The following EXOC4 variants were observed in gnomAD, a reference collection of about 807,000 sequenced individuals.
The protein encoded by EXOC4 is SEC8-like 1.
EXOC4 carries 71 observed loss-of-function variants against 107.2 expected under a neutral mutation model. The observed-to-expected ratio is 0.66, with a 90% CI of 0.55 to 0.81. The LOEUF is 0.81. Ranked by LOEUF, EXOC4 falls within the 30% of genes least tolerant of loss-of-function variation. The probability of loss-of-function intolerance (pLI) is 0.00; values close to 1 mark genes in which losing one functional copy is unlikely to be tolerated. For synonymous variants in EXOC4, 456 were observed against 441.2 expected (o/e 1.03, Z -0.42); for missense variants, 1,108 against 1,189.6 (o/e 0.93, Z 1.01).
intron 10 of EXOC4, among the ~76,000 whole-genome samples, chr7:133,715,603 G>A (rs2151100917): frequency 6.6e-6 from 1 of 152,060 alleles, no homozygotes; most frequent in South Asian, 2.1e-4. Context: ...TATTTTGTGT[G>A]AATATAGGAA....
intron 11 of EXOC4, among the ~76,000 whole-genome samples, chr7:133,830,874 A>C (rs1025675131): frequency 6.6e-6 from 1 of 152,184 alleles, no homozygotes; most frequent in Admixed American, 6.5e-5. Flanking sequence ...TCGGGATACC[A>C]CAATACATTT....
intron 17 of EXOC4, among the ~76,000 whole-genome samples, chr7:134,012,928 G>A (rs1794805779): frequency 6.6e-6 from 1 of 152,208 alleles, no homozygotes; most frequent in Admixed American, 6.5e-5. Context: ...TGTGTCAAAT[G>A]CTGTTGATAG....
chr7:133,761,599 A>G (rs968712644), intron 10 of EXOC4, among the ~76,000 whole-genome samples: 1 of 152,188 alleles, frequency 6.6e-6, no homozygotes, highest in Non-Finnish European at 1.5e-5. Context: ...CTTTGGCAAC[A>G]GACCTAGGGC....
chr7:133,559,385 T>A (rs1410238356), intron 9 of EXOC4, among the ~76,000 whole-genome samples: 2 of 152,224 alleles, frequency 1.3e-5, no homozygotes, highest in African/African-American at 2.4e-5. Flanking sequence ...TTAATTTTTC[T>A]GTATTACATC....
intron 17 of EXOC4, among the ~76,000 whole-genome samples, chr7:134,015,190 C>G (rs1380963066): frequency 2.6e-5 from 4 of 152,150 alleles, no homozygotes; most frequent in Non-Finnish European, 2.9e-5. Flanking sequence ...CCTGCACTTT[C>G]AAAACATGCC....
chr7:134,039,279 A>C (rs1230084882), intron 17 of EXOC4, among the ~76,000 whole-genome samples: 1 of 152,136 alleles, frequency 6.6e-6, no homozygotes, highest in African/African-American at 2.4e-5. Context: ...AGCTTCAGGG[A>C]GTGCATAATA....
chr7:133,667,133 T>G (rs1258500172), intron 10 of EXOC4, among the ~76,000 whole-genome samples: 2 of 152,256 alleles, frequency 1.3e-5, no homozygotes, highest in Non-Finnish European at 2.9e-5. Flanking sequence ...GGAACTTAGC[T>G]ATATCCAGTT....
downstream of EXOC4, among the ~76,000 whole-genome samples, chr7:134,067,695 G>A (rs1486142008): frequency 7.0e-6 from 1 of 142,452 alleles, no homozygotes; most frequent in Non-Finnish European, 1.5e-5. Flanking sequence ...GTTCTTGGAA[G>A]TGCTGGTGGT....
At chr7:133,736,179 C>T (rs1313717958) in intron 10 of EXOC4, among the ~76,000 whole-genome samples, 1 of 152,174 alleles carries the variant, frequency 6.6e-6, no homozygotes, top group Non-Finnish European at 1.5e-5. Context: ...CCTAAAGAAA[C>T]CTTCCCCTTA....
chr7:133,630,376 C>T (rs568738084), intron 10 of EXOC4, among the ~76,000 whole-genome samples: 108 of 152,180 alleles, frequency 7.1e-4, no homozygotes, highest in Middle Eastern at 3.4e-3. Context: ...TTCACACTCG[C>T]TACCTCTGTC....
chr7:133,280,530 G>T (rs979970634), intron 2 of EXOC4, among the ~76,000 whole-genome samples: 6 of 152,100 alleles, frequency 3.9e-5, no homozygotes, highest in African/African-American at 1.4e-4. Context: ...AGGTTGAAGG[G>T]AGATACTTGG....
Position 133,823,900 on chromosome 7 carries a change from T to TA in EXOC4, c.1734+6357dup, listed in dbSNP as rs1476845212. ...TATATATATATATATATATTTTATATATATATATATAAATATATATATAAA... is the reference window on the plus strand; with the variant it reads ...TATATATATATATATATATTTTATATAATATATATATAAATATATATATAAA... On this transcript the variant is annotated intron_variant, in intron 11 of 17. Coordinates refer to ENST00000253861, the MANE Select transcript of EXOC4 (RefSeq NM_021807.4). Among the ~76,000 whole-genome samples the TA allele has an allele frequency of 1.5e-3, 41 of 27,932 alleles. 1 individual carries two copies. The South Asian group carries it at 0.032, about 22-fold the overall frequency. The allele number at this position is 27,932 out of a possible 152,430, so 18.3% of individuals were successfully genotyped here.
chr7:133,464,809 TG>T (rs1798682257), intron 7 of EXOC4, among the ~76,000 whole-genome samples: 1 of 74,134 alleles, frequency 1.3e-5, no homozygotes, highest in African/African-American at 5.3e-5. Context: ...TTGGTTGGGT[TG>T]GTTTTTTTTT....
intron 9 of EXOC4, among the ~76,000 whole-genome samples, chr7:133,512,453 T>C (rs959262797): frequency 6.6e-6 from 1 of 151,074 alleles, no homozygotes; most frequent in African/African-American, 2.4e-5. Context: ...AAATACATAG[T>C]ACAGGATCTA....
chr7:133,975,493 A>G (rs1348699079), intron 14 of EXOC4, among the ~76,000 whole-genome samples: 1 of 152,192 alleles, frequency 6.6e-6, no homozygotes, highest in East Asian at 1.9e-4. Flanking sequence ...ATCATATCAT[A>G]TTGGAATTTA....
chr7:133,692,294 A>C (rs1191873341), intron 10 of EXOC4, among the ~76,000 whole-genome samples: 2 of 152,112 alleles, frequency 1.3e-5, no homozygotes, highest in African/African-American at 4.8e-5. Flanking sequence ...TATACACATT[A>C]TTAGTTGTAA....
chr7:133,858,319 C>G (rs73155124), intron 11 of EXOC4, among the ~76,000 whole-genome samples: 2,258 of 152,204 alleles, frequency 0.015, 36 homozygotes, highest in Non-Finnish European at 0.018. Context: ...GACGGGCAGT[C>G]GTACCATGTG....
At chr7:133,402,179 G>C (rs1173234889) in intron 7 of EXOC4, among the ~76,000 whole-genome samples, 1 of 152,190 alleles carries the variant, frequency 6.6e-6, no homozygotes, top group Non-Finnish European at 1.5e-5. Context: ...AGTTATATTA[G>C]TTTGCCTAAG....
intron 10 of EXOC4, among the ~76,000 whole-genome samples, chr7:133,757,441 A>G (rs1302671545): frequency 1.3e-5 from 2 of 152,230 alleles, no homozygotes; most frequent in African/African-American, 2.4e-5. Context: ...GGAAGTGTCC[A>G]GGTTGAGATG....
Sources: allele counts gnomAD v4.1 joint callset (sites outside exome capture counted in the v4.1 genomes callset), GRCh38; gene constraint gnomAD v4.1.1; transcripts MANE v1.5; gene names NCBI Gene and HGNC (gene_info 2026-07-23, HGNC 2026-07-21).